The following SMCO4 variants were observed in gnomAD, a reference collection of about 807,000 sequenced individuals.
SMCO4 encodes the protein single-pass membrane and coiled-coil domain-containing protein 4.
In SMCO4, 4 loss-of-function variants were observed where a neutral mutation model predicts 3.6. That is an observed-to-expected ratio of 1.11 (90% confidence interval 0.54 to 2.53). The LOEUF (loss-of-function observed/expected upper bound fraction) is 2.53, where lower values mean the gene tolerates loss of function less well. Ranked by LOEUF, SMCO4 falls within the 30% of genes most tolerant of loss-of-function variation. The pLI, the probability that SMCO4 is intolerant of heterozygous loss-of-function variation, is 0.02. For synonymous variants in SMCO4, 36 were observed against 35.3 expected, an observed-to-expected ratio of 1.02 and a Z score of -0.07; for missense variants, 70 against 80.8, an observed-to-expected ratio of 0.87 and a Z score of 0.51.
intron 2 of SMCO4, among the ~76,000 whole-genome samples, chr11:93,488,932 G>A (rs1165155769): frequency 6.9e-6 from 1 of 145,838 alleles, no homozygotes; most frequent in Non-Finnish European, 1.6e-5. Flanking sequence ...GAAGGCAAAT[G>A]AAGAAGGTGT....
chr11:93,528,460 G>A lies in SMCO4; in HGVS notation c.-154+14816C>T, dbSNP rs142422324. Reference sequence around the variant, plus strand: ...ACCACCTGCTCGTCTCTGCCTCCAAGTTGGCCCAGAAAGCAAGAACTCTGG... The same window carrying A: ...ACCACCTGCTCGTCTCTGCCTCCAAATTGGCCCAGAAAGCAAGAACTCTGG... On this transcript the variant is annotated intron_variant, in intron 1 of 2. Transcript: ENST00000298966. 4.9e-3 allele frequency among the ~76,000 whole-genome samples: 750 copies of A among 152,368 alleles called. 4 individuals are homozygous for A. The highest frequency in any genetic ancestry group is 7.5e-3 in the Non-Finnish European group (513 of 68,040).
At chr11:93,514,419 T>TATATATATATATAA (rs1555077574) in intron 1 of SMCO4, among the ~76,000 whole-genome samples, 9 of 42,534 alleles carry the variant, frequency 2.1e-4, no homozygotes, top group African/African-American at 6.6e-4. Context: ...TATATATATA[T>TATATATATATATAA]ATAAAATTTG....
At chr11:93,552,152 CTTTT>C in the SMCO4 span, among the ~76,000 whole-genome samples, 16 of 109,030 alleles carry the variant, frequency 1.5e-4, no homozygotes, top group African/African-American at 5.2e-4. Context: ...CTCATCACTA[CTTTT>C]TTTTTTTTTT....
At chr11:93,534,295 C>T (rs983402570) in intron 1 of SMCO4, among the ~76,000 whole-genome samples, 28 of 145,758 alleles carry the variant, frequency 1.9e-4, no homozygotes, top group Non-Finnish European at 3.5e-4. Context: ...TACACACACA[C>T]ATATATATAC....
chr11:93,505,874 GATGA>G (rs1948894511), intron 1 of SMCO4, among the ~76,000 whole-genome samples: 1 of 151,958 alleles, frequency 6.6e-6, no homozygotes, highest in African/African-American at 2.4e-5. Flanking sequence ...TGATGATGAT[GATGA>G]TGATGATGAT....
upstream of SMCO4, among the ~76,000 whole-genome samples, chr11:93,544,306 G>A (rs7128507): frequency 0.58 from 88,106 of 152,070 alleles, 25,721 homozygotes; most frequent in Admixed American, 0.65. Context: ...TCTTCGAAAT[G>A]TAAAATATTG....
upstream of SMCO4, among the ~76,000 whole-genome samples, chr11:93,545,608 A>AAAAAAG (rs1555081223): frequency 6.9e-6 from 1 of 144,784 alleles, no homozygotes; most frequent in African/African-American, 2.5e-5. Flanking sequence ...AAAAAAAAAA[A>AAAAAAG]AGAGAGAGAG....
intron 2 of SMCO4, among the ~76,000 whole-genome samples, chr11:93,487,835 C>T (rs1591304215): frequency 2.0e-5 from 3 of 152,358 alleles, no homozygotes; most frequent in African/African-American, 7.2e-5. Flanking sequence ...GTCTGTGATC[C>T]TGGGCAAGTA....
At chr11:93,484,226 C>T (rs547688040) in intron 2 of SMCO4, among the ~76,000 whole-genome samples, 6 of 152,300 alleles carry the variant, frequency 3.9e-5, no homozygotes, top group East Asian at 1.9e-4. Context: ...AAAGCAGGGA[C>T]GCATTCTTCA....
At chr11:93,540,726 G>T (rs1949264570) in intron 1 of SMCO4, among the ~76,000 whole-genome samples, 1 of 152,076 alleles carries the variant, frequency 6.6e-6, no homozygotes, top group African/African-American at 2.4e-5. Flanking sequence ...CTGCTCAATG[G>T]CAGGGGCTCA....
chr11:93,532,325 T>A (rs1204171838), intron 1 of SMCO4, among the ~76,000 whole-genome samples: 5 of 152,202 alleles, frequency 3.3e-5, no homozygotes, highest in Admixed American at 2.6e-4. Context: ...CATCTGGGTG[T>A]TTCCAGAACA....
At chr11:93,530,018 G>A (rs550065311) in intron 1 of SMCO4, among the ~76,000 whole-genome samples, 1 of 152,322 alleles carries the variant, frequency 6.6e-6, no homozygotes, top group East Asian at 1.9e-4. Context: ...CATTTTCAAG[G>A]CCAAATGTGG....
chr11:93,538,010 G>C (rs1949242349), intron 1 of SMCO4: 1 of 152,614 alleles, frequency 6.6e-6, no homozygotes, highest in African/African-American at 2.4e-5. Context: ...GGGCAGGGAT[G>C]TTGCACAATT....
At chr11:93,550,628 T>C in the SMCO4 span, among the ~76,000 whole-genome samples, 3 of 152,228 alleles carry the variant, frequency 2.0e-5, no homozygotes, top group Non-Finnish European at 4.4e-5. Context: ...TGAGCTGTTA[T>C]CGCACCATTG....
intron 1 of SMCO4, among the ~76,000 whole-genome samples, chr11:93,519,716 C>T (rs1949040697): frequency 6.6e-6 from 1 of 152,226 alleles, no homozygotes; most frequent in African/African-American, 2.4e-5. Flanking sequence ...ATTCCTTTCT[C>T]ATGAGTGGCT....
At chr11:93,536,330 ACATGTG>A (rs1949224443) in intron 1 of SMCO4, among the ~76,000 whole-genome samples, 1 of 152,238 alleles carries the variant, frequency 6.6e-6, no homozygotes, top group Admixed American at 6.5e-5. Context: ...TCCTAGAGAA[ACATGTG>A]CATACTAATA....
chr11:93,492,914 G>A (rs1948735076), intron 2 of SMCO4, among the ~76,000 whole-genome samples: 1 of 152,188 alleles, frequency 6.6e-6, no homozygotes, highest in Non-Finnish European at 1.5e-5. Flanking sequence ...AAGAAAGGCA[G>A]TAAGCTAAGC....
chr11:93,548,498 C>G, the SMCO4 span, among the ~76,000 whole-genome samples: 3 of 152,140 alleles, frequency 2.0e-5, no homozygotes, highest in African/African-American at 7.2e-5. Context: ...ATCATGTAGC[C>G]TGTTTCCTTT....
chr11:93,486,194 GACAAGGGA>G (rs755833355), intron 2 of SMCO4, among the ~76,000 whole-genome samples: 4 of 152,204 alleles, frequency 2.6e-5, no homozygotes, highest in Non-Finnish European at 4.4e-5. Context: ...CCATTTTGCA[GACAAGGGA>G]ACTGAGGCTT....
Sources: gnomAD v4.1 joint callset for allele counts (sites outside exome capture counted in the v4.1 genomes callset) on GRCh38, gnomAD v4.1.1 for gene constraint, MANE v1.5 for transcripts, NCBI Gene and HGNC (gene_info 2026-07-23, HGNC 2026-07-21) for gene names.